Variants in MAP2K4 observed in about 807,000 individuals in gnomAD.
The protein encoded by MAP2K4 is dual specificity mitogen-activated protein kinase kinase 4.
In MAP2K4, 4 loss-of-function variants were observed where a neutral mutation model predicts 48.5. The ratio of observed to expected loss-of-function variants is 0.08; its 90% CI spans 0.04 to 0.19. The LOEUF (loss-of-function observed/expected upper bound fraction) is 0.19, where lower values mean the gene tolerates loss of function less well. Ranked by LOEUF, MAP2K4 falls within the 10% of genes least tolerant of loss-of-function variation. The pLI is 1.00. For missense variants in MAP2K4, 258 were observed against 493.3 expected, an observed-to-expected ratio of 0.52 and a Z score of 4.52; for synonymous variants, 166 against 173.1, an observed-to-expected ratio of 0.96 and a Z score of 0.32.
chr17:12,088,570 TATATA>T (rs1453729443), intron 3 of MAP2K4, among the ~76,000 whole-genome samples: 41 of 138,936 alleles, frequency 3.0e-4, no homozygotes, highest in East Asian at 1.0e-3. Flanking sequence ...ATATATTAAA[TATATA>T]ATATATAATA....
chr17:12,138,383 A>G (rs1973272159), intron 9 of MAP2K4, among the ~76,000 whole-genome samples: 1 of 152,172 alleles, frequency 6.6e-6, no homozygotes, highest in South Asian at 2.1e-4. Context: ...TATATACTGT[A>G]TTATTACAAT....
At chr17:12,076,279 CTGTGTGTGTGTGTGTGTGTG>C (rs372806903) in intron 2 of MAP2K4, among the ~76,000 whole-genome samples, 13 of 135,252 alleles carry the variant, frequency 9.6e-5, no homozygotes, top group South Asian at 2.6e-4. Flanking sequence ...TGTCACAGTT[CTGTGTGTGTGTGTGTGTGTG>C]TGTGTGTGTG....
At chr17:12,139,492 A>G (rs1028669420) in intron 9 of MAP2K4, among the ~76,000 whole-genome samples, 1 of 152,208 alleles carries the variant, frequency 6.6e-6, no homozygotes, top group African/African-American at 2.4e-5. Flanking sequence ...ATTTACATTT[A>G]GAAAAGCATA....
intron 2 of MAP2K4, among the ~76,000 whole-genome samples, chr17:12,077,486 A>G (rs185623149): frequency 1.3e-3 from 197 of 152,330 alleles, no homozygotes; most frequent in African/African-American, 4.5e-3. Flanking sequence ...AAGTCCGGAG[A>G]TAAGCAGGCT....
intron 1 of MAP2K4, among the ~76,000 whole-genome samples, chr17:12,053,432 T>G (rs1970200265): frequency 6.6e-6 from 1 of 152,132 alleles, no homozygotes; most frequent in Non-Finnish European, 1.5e-5. Flanking sequence ...TCTATTTTTC[T>G]TGATTTCTAT....
chr17:12,078,757 T>G (rs542120184), intron 2 of MAP2K4, among the ~76,000 whole-genome samples: 91 of 152,334 alleles, frequency 6.0e-4, no homozygotes, highest in African/African-American at 2.1e-3. Context: ...TTACGTAGTT[T>G]AGGACAGAAA....
At chr17:12,033,857 A>G (rs1358388395) in intron 1 of MAP2K4, among the ~76,000 whole-genome samples, 1 of 152,120 alleles carries the variant, frequency 6.6e-6, no homozygotes, top group Non-Finnish European at 1.5e-5. Context: ...TGTGTTTCCC[A>G]AGTTGGAGCC....
intron 4 of MAP2K4, among the ~76,000 whole-genome samples, chr17:12,099,638 A>G (rs558982012): frequency 6.6e-6 from 1 of 152,310 alleles, no homozygotes; most frequent in Admixed American, 6.5e-5. Flanking sequence ...TTTGGTTTAG[A>G]TAAGTTATTA....
intron 7 of MAP2K4, chr17:12,115,598 A>T (rs1972464236): frequency 1.4e-6 from 1 of 725,208 alleles, no homozygotes. Flanking sequence ...TGATGAAGTG[A>T]GCAAATTGTA....
At chr17:12,060,712 G>A (rs1230331393) in intron 2 of MAP2K4, among the ~76,000 whole-genome samples, 1 of 151,550 alleles carries the variant, frequency 6.6e-6, no homozygotes, top group Non-Finnish European at 1.5e-5. Context: ...AATCTCAAAT[G>A]TGTTAAATAC....
intron 1 of MAP2K4, among the ~76,000 whole-genome samples, chr17:12,035,431 C>G (rs1451717174): frequency 6.6e-6 from 1 of 152,180 alleles, no homozygotes; most frequent in Non-Finnish European, 1.5e-5. Context: ...GCAGGAGAAT[C>G]GCTGAACCTG....
intron 2 of MAP2K4, among the ~76,000 whole-genome samples, chr17:12,073,770 ATTTTTTT>A (rs200587573): frequency 7.3e-6 from 1 of 137,730 alleles, no homozygotes; most frequent in African/African-American, 2.7e-5. Flanking sequence ...CTCGTTGTAG[ATTTTTTT>A]TTTTTTTTTT....
At chr17:12,056,828 T>C (rs1970295634) in intron 2 of MAP2K4, among the ~76,000 whole-genome samples, 1 of 152,156 alleles carries the variant, frequency 6.6e-6, no homozygotes, top group South Asian at 2.1e-4. Flanking sequence ...AGTTTCTGTT[T>C]AGGATGAGTA....
chr17:12,032,392 C>A, intron 1 of MAP2K4: 1 of 512,480 alleles, frequency 2.0e-6, no homozygotes, highest in Non-Finnish European at 3.1e-6. Context: ...GCTAACCAGC[C>A]ATGGCAATTT....
At chr17:12,135,151 T>G (rs2151595029) in intron 9 of MAP2K4, among the ~76,000 whole-genome samples, 1 of 152,320 alleles carries the variant, frequency 6.6e-6, no homozygotes, top group Admixed American at 6.5e-5. Flanking sequence ...TGCAATGGCA[T>G]GATCTCGGCT....
At chr17:12,103,199 C>T (rs942631739) in intron 4 of MAP2K4, among the ~76,000 whole-genome samples, 5 of 151,526 alleles carry the variant, frequency 3.3e-5, no homozygotes, top group Non-Finnish European at 5.9e-5. Context: ...ACTACCACCA[C>T]CCTGCTAATT....
At chr17:12,079,944 CAAAT>C (rs1971135528) in intron 2 of MAP2K4, among the ~76,000 whole-genome samples, 1 of 152,098 alleles carries the variant, frequency 6.6e-6, no homozygotes, top group Non-Finnish European at 1.5e-5. Context: ...GCTAGAGTAT[CAAAT>C]AATATGGGTG....
chr17:12,143,665 A>C lies in MAP2K4; in HGVS notation c.*2405A>C, dbSNP rs1973445716. 2 of 230,952 alleles carry C rather than the reference A, an allele frequency of 8.7e-6. No homozygotes were observed. The highest frequency in any genetic ancestry group is 2.2e-5 in the African/African-American group (1 of 45,246). The allele number at this position is 230,952 out of a possible 1,614,324, so 14.3% of individuals were successfully genotyped here. ...TATTTAAGATATATACATGGAATCG[A>C]AGTGTTTATGTAATAGTTCTATCCT... is the stretch of plus-strand genomic sequence containing the variant. On this transcript the variant is annotated 3_prime_UTR_variant, in exon 11 of 11. Transcript: ENST00000353533.
chr17:12,117,960 T>C (rs1206637323), intron 7 of MAP2K4, among the ~76,000 whole-genome samples: 1 of 152,204 alleles, frequency 6.6e-6, no homozygotes, highest in African/African-American at 2.4e-5. Context: ...AGAGTGGATC[T>C]GTCAGACTCA....
Sources: allele counts gnomAD v4.1 joint callset (sites outside exome capture counted in the v4.1 genomes callset), GRCh38; gene constraint gnomAD v4.1.1; transcripts MANE v1.5; gene names NCBI Gene and HGNC (gene_info 2026-07-23, HGNC 2026-07-21).